PWWP2B: variants seen among roughly 807,000 people sequenced by gnomAD.
The protein encoded by PWWP2B is PWWP domain-containing protein 2B.
In PWWP2B, 9 loss-of-function variants were observed where a neutral mutation model predicts 15.5. The observed-to-expected ratio is 0.58, with a 90% CI of 0.35 to 1.02. PWWP2B has a LOEUF of 1.02. Ranked by LOEUF, PWWP2B falls within the 50% of genes least tolerant of loss-of-function variation. PWWP2B has a pLI of 0.02. For synonymous variants in PWWP2B, 474 were observed against 403.6 expected (o/e 1.17, Z -2.09); for missense variants, 864 against 865.3 (o/e 1.00, Z 0.02).
intron 2 of PWWP2B, among the ~76,000 whole-genome samples, chr10:132,413,199 A>G (rs961426069): frequency 6.6e-6 from 1 of 152,272 alleles, no homozygotes; most frequent in African/African-American, 2.4e-5. Context: ...TAATGTTAAC[A>G]TGATCAATTT....
intron 2 of PWWP2B, among the ~76,000 whole-genome samples, chr10:132,416,636 G>A (rs529540767): frequency 2.0e-5 from 3 of 152,130 alleles, no homozygotes; most frequent in South Asian, 2.1e-4. Flanking sequence ...AGGGGGCTTG[G>A]GGCTCCTCCC....
At position 132,417,360 on chromosome 10, in the gene PWWP2B, G is replaced by A. The variant is rs1590769726; in HGVS notation, c.*316G>A. 2.0e-6 allele frequency: 1 copy of A among 501,696 alleles called. No homozygotes were observed. The highest frequency in any genetic ancestry group is 3.5e-5 in the East Asian group (1 of 28,184). The allele number at this position is 501,696 out of a possible 1,614,324, so 31.1% of individuals were successfully genotyped here. On this transcript the variant is annotated 3_prime_UTR_variant, in exon 3 of 3. Transcript: ENST00000305233. ...CTGCCTCGCGCGCTGGGGTTCCATG[G>A]AGGAACTGGGCCTGCCGCCCCGGCC...
chr10:132,401,833 C>T (rs577477387), intron 1 of PWWP2B, among the ~76,000 whole-genome samples: 10 of 152,370 alleles, frequency 6.6e-5, no homozygotes, highest in African/African-American at 1.9e-4. Flanking sequence ...GGGCAGGAGC[C>T]GAGGTCCCAG....
intron 2 of PWWP2B, among the ~76,000 whole-genome samples, chr10:132,407,376 G>A (rs2069714223): frequency 6.6e-6 from 1 of 152,200 alleles, no homozygotes; most frequent in Non-Finnish European, 1.5e-5. Flanking sequence ...GAGGGCAGGG[G>A]CAGGGCTCCG....
At chr10:132,416,928 T>TG in intron 2 of PWWP2B, 133 bp from the exon 3 acceptor site, 2 of 875,642 alleles carry the variant, frequency 2.3e-6, no homozygotes, top group Non-Finnish European at 1.9e-6. Flanking sequence ...CGGCAGGAGC[T>TG]GGGGGGCGGT....
intron 2 of PWWP2B, among the ~76,000 whole-genome samples, chr10:132,407,821 T>C (rs1227229378): frequency 6.6e-6 from 1 of 151,602 alleles, no homozygotes; most frequent in East Asian, 1.9e-4. Context: ...GTCTGGGGAG[T>C]GTCTCAAGCC....
At position 132,405,029 on chromosome 10, in the gene PWWP2B, C is replaced by G. The variant is rs1014239277; in HGVS notation, c.529C>G (p.Leu177Val). ...CATCCGCCTGCGGCCGCGCCAGGTG[C>G]TCTGTGAGAAGTGCAAGAGCACGCT... The part of the protein sequence containing the change: ...STIRLRPRQV[L>V]CEKCKSTLSP... Residue 177 changes from leucine (L) to valine (V), a missense_variant, in exon 2 of 3, where the codon CTC (leucine) becomes GTC (valine). Leu to Val is a conservative substitution (Grantham distance 32). Around this residue, in one of 2 missense-constraint regions of PWWP2B, gnomAD observed 736 missense variants for 687.7 expected, o/e 1.07. Transcript: ENST00000305233. The G allele has an allele frequency of 3.9e-6, 6 of 1,526,116 alleles. No homozygotes were observed. The highest frequency in any genetic ancestry group is 5.3e-6 in the Non-Finnish European group (6 of 1,140,964). 94.5% of individuals were successfully genotyped at this position (1,526,116 alleles called of 1,614,324 possible).
At chr10:132,404,157 T>C (rs955224206) in intron 1 of PWWP2B, among the ~76,000 whole-genome samples, 11 of 152,210 alleles carry the variant, frequency 7.2e-5, no homozygotes, top group African/African-American at 2.4e-4. Context: ...CTAGGGGTTG[T>C]CTTCCCTGAG....
chr10:132,404,900 G>A lies in PWWP2B; in HGVS notation c.400G>A (p.Asp134Asn). The change falls in exon 2 of 3, where the codon GAC becomes AAC. Residue 134 changes from aspartate to asparagine, a missense_variant. Coordinates refer to ENST00000305233, the MANE Select transcript of PWWP2B (RefSeq NM_138499.4). The part of the protein sequence containing the change: ...APFPHPLWLR[D>N]TYKLWVPQPP... ...CTTCCCTCACCCGCTGTGGCTCCGG[G>A]ACACGTACAAGCTGTGGGTGCCCCA... 1 of 1,595,470 alleles carries A rather than the reference G, an allele frequency of 6.3e-7. No homozygotes were observed.
rs761045293 is a variant in PWWP2B, at chr10:132,405,472, C to G, written c.972C>G (p.Ala324=). 6 of 1,605,650 alleles carry G rather than the reference C, an allele frequency of 3.7e-6. No individual in the cohort carries two copies. Among genetic ancestry groups the G allele is most frequent in the Middle Eastern group, 1.7e-4 (1 of 6,058 alleles). Residue 324 remains alanine (A), a synonymous_variant, in exon 2 of 3, where the codon GCC becomes GCG. Coordinates refer to ENST00000305233, the MANE Select transcript of PWWP2B (RefSeq NM_138499.4). ...TGAAACTGACACGGCCTGTGCCGGC[C>G]GGCGCGGACCTGCCGCCCCCTAAGA... is the stretch of plus-strand genomic sequence containing the variant. ...PKLKLTRPVP[A]GADLPPPKIR... is the part of the protein sequence containing the mutation.
intron 2 of PWWP2B, among the ~76,000 whole-genome samples, chr10:132,415,738 C>T (rs1331062168): frequency 6.6e-6 from 1 of 151,584 alleles, no homozygotes; most frequent in African/African-American, 2.4e-5. Context: ...CACTCACACA[C>T]ATCCACACAC....
chr10:132,400,356 G>A (rs1477355967), intron 1 of PWWP2B, among the ~76,000 whole-genome samples: 1 of 152,138 alleles, frequency 6.6e-6, no homozygotes, highest in Non-Finnish European at 1.5e-5. Flanking sequence ...TGTGCTACTT[G>A]GGGAGCCCCA....
intron 2 of PWWP2B, among the ~76,000 whole-genome samples, chr10:132,416,384 G>T (rs911528831): frequency 6.6e-6 from 1 of 152,172 alleles, no homozygotes; most frequent in Non-Finnish European, 1.5e-5. Context: ...TTGGATTTAG[G>T]GGGCTGCTCT....
intron 2 of PWWP2B, among the ~76,000 whole-genome samples, chr10:132,407,764 C>T (rs1047795286): frequency 5.3e-5 from 8 of 152,326 alleles, no homozygotes; most frequent in Middle Eastern, 6.8e-3. Flanking sequence ...AGGCGTGGGG[C>T]AGGTGCCTTG....
intron 1 of PWWP2B, 33 bp downstream of exon 1, chr10:132,397,384 G>A: frequency 1.6e-6 from 2 of 1,214,842 alleles, no homozygotes; most frequent in Non-Finnish European, 2.1e-6. Context: ...ACACCCCCGG[G>A]GTCCCCACGC....
Position 132,405,457 on chromosome 10 carries a change from ACGGCCTGTG to A in PWWP2B, c.959_967del (p.Arg320_Val322del), listed in dbSNP as rs1376844354. 3 of 1,607,936 alleles carry A rather than the reference ACGGCCTGTG, an allele frequency of 1.9e-6. No homozygotes were observed. In the East Asian group the frequency reaches 6.7e-5, roughly 36 times the overall value. ...CCTCCATCCCCAAGTTGAAACTGAC[ACGGCCTGTG>A]CCGGCCGGCGCGGACCTGCCGCCCC... is the stretch of plus-strand genomic sequence containing the variant. On this transcript the variant is annotated inframe_deletion, in exon 2 of 3. Transcript: ENST00000305233.
In PWWP2B at chr10:132,404,154, T is replaced by C. The variant is rs567654081; in HGVS notation, c.126-472T>C. Among the ~76,000 whole-genome samples, 5 of 151,928 alleles carry C rather than the reference T, an allele frequency of 3.3e-5. No homozygotes were observed. In the South Asian group the frequency reaches 1.0e-3, roughly 32 times the overall value. On this transcript the variant is annotated intron_variant, in intron 1 of 2. Transcript: ENST00000305233. ...TTGAAGCGTTGCCTGGCCCTAGGGG[T>C]TGTCTTCCCTGAGTCCCCCAGCCCC...
chr10:132,404,651 T>C lies in PWWP2B; in HGVS notation c.151T>C (p.Leu51=), dbSNP rs2069657717. Residue 51 remains leucine (L), a synonymous_variant, in exon 2 of 3, where the codon TTG becomes CTG. Transcript: ENST00000305233. ...GTCCGGCCTCTTTGGCCTACCCCCG[T>C]TGGCTCCGCTGCCCCAGGTCGATGA... is the stretch of plus-strand genomic sequence containing the variant. ...KKSGLFGLPP[L]APLPQVDESP... is the part of the protein sequence containing the mutation. The C allele has an allele frequency of 2.5e-6, 4 of 1,612,798 alleles. No homozygotes were observed. The highest frequency in any genetic ancestry group is 2.7e-5 in the African/African-American group (2 of 74,880).
chr10:132,414,173 C>T (rs759140589), intron 2 of PWWP2B, among the ~76,000 whole-genome samples: 7 of 152,354 alleles, frequency 4.6e-5, no homozygotes, highest in Non-Finnish European at 7.3e-5. Context: ...CTGCGAAGGC[C>T]ACTGCTGCTG....
Sources: allele counts gnomAD v4.1 joint callset (sites outside exome capture counted in the v4.1 genomes callset), GRCh38; gene constraint gnomAD v4.1.1; regional missense constraint gnomAD v4.1.1; transcripts MANE v1.5; gene names NCBI Gene and HGNC (gene_info 2026-07-23, HGNC 2026-07-21).